LOC101059915: variants seen among roughly 807,000 people sequenced by gnomAD.
the LOC101059915 span, chrX:71,670,454 T>G: frequency 9.0e-7 from 1 of 1,105,695 alleles, no homozygotes; most frequent in South Asian, 2.1e-5. Flanking sequence ...CCATGCAGAG[T>G]GAGTGCCTCC....
the LOC101059915 span, among the ~76,000 whole-genome samples, chrX:71,669,207 C>T: frequency 8.9e-6 from 1 of 111,917 alleles, no homozygotes; most frequent in East Asian, 2.8e-4. Flanking sequence ...CACTAGGATG[C>T]CCGATTGGGG....
At chrX:71,668,219 T>C in the LOC101059915 span, 6 of 1,116,852 alleles carry the variant, frequency 5.4e-6, no homozygotes, top group African/African-American at 1.8e-5. Context: ...TGGGCGGACC[T>C]GGAGGTCGGT....
chrX:71,670,333 G>C, the LOC101059915 span: 1 of 1,165,786 alleles, frequency 8.6e-7, no homozygotes, highest in South Asian at 1.9e-5. Context: ...GGCTGTCCTC[G>C]GGTAATGCTT....
chrX:71,671,102 C>T, the LOC101059915 span: 1 of 1,151,639 alleles, frequency 8.7e-7, no homozygotes, highest in Non-Finnish European at 1.2e-6. Flanking sequence ...AGTCCCAGGG[C>T]TGGTGGGGTT....
At chrX:71,670,617 C>T in the LOC101059915 span, 5 of 1,101,518 alleles carry the variant, frequency 4.5e-6, no homozygotes, top group African/African-American at 9.4e-5. Context: ...GCTAGTGCAT[C>T]TTGCTGCAGA....
At chrX:71,670,284 C>T in the LOC101059915 span, 3 of 1,166,541 alleles carry the variant, frequency 2.6e-6, no homozygotes, top group Non-Finnish European at 3.4e-6. Context: ...TGTCCATCCC[C>T]CAAGACCGGA....
the LOC101059915 span, chrX:71,669,057 G>A: frequency 5.9e-5 from 67 of 1,140,097 alleles, no homozygotes; most frequent in South Asian, 1.2e-3. Context: ...GGTTCTCTTC[G>A]CGCACTCCTC....
chrX:71,671,175 C>G, the LOC101059915 span: 32 of 1,162,476 alleles, frequency 2.8e-5, no homozygotes, highest in Admixed American at 7.0e-4. Context: ...TTCCCTGGGT[C>G]TGGAGTACCC....
chrX:71,668,291 C>A, the LOC101059915 span: 1 of 1,133,884 alleles, frequency 8.8e-7, no homozygotes, highest in Non-Finnish European at 1.2e-6. Flanking sequence ...TCTGCCGGCC[C>A]TCTCCACCTC....
chrX:71,668,148 G>A, the LOC101059915 span: 12 of 1,135,375 alleles, frequency 1.1e-5, no homozygotes, highest in Middle Eastern at 3.3e-4. Context: ...TCATGCCGCC[G>A]TCCAGCGTCC....
the LOC101059915 span, chrX:71,668,723 C>T: frequency 5.1e-5 from 55 of 1,074,292 alleles, no homozygotes; most frequent in East Asian, 7.6e-4. Context: ...TGCTCAGGAG[C>T]TGCCGTTAGA....
the LOC101059915 span, chrX:71,667,730 G>T: frequency 1.0e-6 from 1 of 960,287 alleles, no homozygotes. Context: ...GCTTGGCTGG[G>T]CTCGGCTCTC....
the LOC101059915 span, chrX:71,670,904 GT>G: frequency 1.3e-6 from 1 of 754,062 alleles, no homozygotes; most frequent in Non-Finnish European, 1.6e-6. Flanking sequence ...TCTTAGAACG[GT>G]TAGAGATACC....
At chrX:71,670,525 T>C in the LOC101059915 span, 1 of 1,083,152 alleles carries the variant, frequency 9.2e-7, no homozygotes, top group Non-Finnish European at 1.2e-6. Context: ...ATGGGGGCTA[T>C]AAGGGCTGGG....
chrX:71,670,503 G>A, the LOC101059915 span: 6 of 1,075,069 alleles, frequency 5.6e-6, no homozygotes, highest in Non-Finnish European at 4.9e-6. Context: ...CCTCACCACT[G>A]GGCTGCAGGC....
the LOC101059915 span, chrX:71,669,151 G>A: frequency 1.0e-6 from 1 of 958,827 alleles, no homozygotes; most frequent in Non-Finnish European, 1.4e-6. Flanking sequence ...CTTTGCCCAT[G>A]CCCTCTCTAT....
the LOC101059915 span, chrX:71,671,527 C>T: frequency 4.2e-6 from 1 of 237,074 alleles, no homozygotes; most frequent in South Asian, 1.1e-4. Flanking sequence ...TTCTCATATT[C>T]TGTGGTCTGT....
chrX:71,668,736 G>T, the LOC101059915 span: 1 of 1,072,524 alleles, frequency 9.3e-7, no homozygotes, highest in Non-Finnish European at 1.2e-6. Context: ...CCGTTAGAGG[G>T]CCCCTACCCC....
the LOC101059915 span, chrX:71,671,209 G>T: frequency 8.6e-7 from 1 of 1,165,410 alleles, no homozygotes; most frequent in South Asian, 1.9e-5. Context: ...TGTTTCAGCT[G>T]CCATGCAGTT....
Sources: allele counts gnomAD v4.1 joint callset (sites outside exome capture counted in the v4.1 genomes callset), GRCh38; gene constraint gnomAD v4.1.1; transcripts MANE v1.5.